Variants in MYOM2 observed in about 807,000 individuals in gnomAD.
MYOM2 encodes the protein myomesin 2.
A neutral mutation model predicts 187.6 loss-of-function variants in MYOM2; 254 were observed. That is an observed-to-expected ratio of 1.35 (90% confidence interval 1.22 to 1.50). The LOEUF (loss-of-function observed/expected upper bound fraction) is 1.50, where lower values mean the gene tolerates loss of function less well. Ranked by LOEUF, MYOM2 falls within the 40% of genes most tolerant of loss-of-function variation. The pLI is 0.00. For synonymous variants in MYOM2, 981 were observed against 753.8 expected, an observed-to-expected ratio of 1.30 and a Z score of -4.94; for missense variants, 2,796 against 1,924.0, an observed-to-expected ratio of 1.45 and a Z score of -8.48.
At chr8:2,050,976 C>G in intron 2 of MYOM2, 103 bp downstream of exon 2, 1 of 872,258 alleles carries the variant, frequency 1.1e-6, no homozygotes, top group Non-Finnish European at 1.8e-6. Flanking sequence ...CACTGGTTTG[C>G]AGGGAGTCAG....
intron 14 of MYOM2, among the ~76,000 whole-genome samples, chr8:2,086,721 G>T (rs1196314165): frequency 6.6e-6 from 1 of 152,234 alleles, no homozygotes; most frequent in Non-Finnish European, 1.5e-5. Flanking sequence ...TCCCTCTCTG[G>T]GCGCCCGCGT....
At chr8:2,072,584 T>G in intron 9 of MYOM2, 75 bp downstream of exon 9, 1 of 1,502,630 alleles carries the variant, frequency 6.7e-7, no homozygotes, top group Non-Finnish European at 8.9e-7. Context: ...AATGTGGGTG[T>G]CAATGTGGCT....
intron 19 of MYOM2, among the ~76,000 whole-genome samples, chr8:2,100,074 T>C (rs1169240944): frequency 1.0e-5 from 1 of 97,230 alleles, no homozygotes; most frequent in African/African-American, 3.2e-5. Flanking sequence ...CCTTCTTTCC[T>C]TCCTTTCTTC....
chr8:2,126,729 G>A (rs1452054800), intron 31 of MYOM2, among the ~76,000 whole-genome samples: 1 of 142,348 alleles, frequency 7.0e-6, no homozygotes, highest in African/African-American at 2.7e-5. Flanking sequence ...GGGGGAGGCT[G>A]ATAGAGGCTG....
At chr8:2,046,254 G>T (rs541590426) in intron 1 of MYOM2, among the ~76,000 whole-genome samples, 72 of 152,342 alleles carry the variant, frequency 4.7e-4, no homozygotes, top group African/African-American at 1.7e-3. Flanking sequence ...CATGAGGAAT[G>T]GGCTCCACAC....
chr8:2,133,941 C>T (rs992391031), intron 32 of MYOM2, among the ~76,000 whole-genome samples: 1 of 151,966 alleles, frequency 6.6e-6, no homozygotes, highest in Admixed American at 6.5e-5. Context: ...CTTACATCCT[C>T]CACCCTCTTC....
chr8:2,103,336 A>T (rs186676542), intron 21 of MYOM2, among the ~76,000 whole-genome samples: 12 of 150,664 alleles, frequency 8.0e-5, no homozygotes, highest in African/African-American at 1.5e-4. Flanking sequence ...TACATATATT[A>T]TGTGCATATG....
At chr8:2,050,119 C>T (rs897717774) in intron 1 of MYOM2, among the ~76,000 whole-genome samples, 6 of 152,168 alleles carry the variant, frequency 3.9e-5, no homozygotes, top group Admixed American at 2.6e-4. Flanking sequence ...CCGCCACCTC[C>T]GCTTGTGGCT....
intron 18 of MYOM2, chr8:2,097,015 C>G: frequency 4.9e-6 from 3 of 613,290 alleles, no homozygotes; most frequent in Non-Finnish European, 6.1e-6. Context: ...CTGTCCGGCC[C>G]TTGACCCCTC....
chr8:2,080,988 A>C (rs1171468953), intron 13 of MYOM2, among the ~76,000 whole-genome samples: 1 of 136,774 alleles, frequency 7.3e-6, no homozygotes, highest in African/African-American at 2.7e-5. Context: ...AGGAACAGGC[A>C]GCCCAGCCCT....
At chr8:2,108,739 T>C in intron 23 of MYOM2, 47 bp from the exon 24 acceptor site, 1 of 1,602,950 alleles carries the variant, frequency 6.2e-7, no homozygotes, top group Non-Finnish European at 8.5e-7. Context: ...TACAAACTTC[T>C]CTAGGTGCAG....
intron 6 of MYOM2, among the ~76,000 whole-genome samples, chr8:2,066,116 C>T (rs1819011040): frequency 6.6e-6 from 1 of 152,226 alleles, no homozygotes. Context: ...TGACGGTGAC[C>T]TGCTGGGCTT....
At chr8:2,085,467 C>A (rs577488353) in intron 14 of MYOM2, 77 bp downstream of exon 14, 2 of 1,521,906 alleles carry the variant, frequency 1.3e-6, no homozygotes, top group Admixed American at 3.8e-5. Flanking sequence ...CGTGGCCCAC[C>A]GCTGTCGTGA....
chr8:2,086,513 T>TGCGTGGCCTCCCACTGTCGTGATCTCC (rs1796078805), intron 14 of MYOM2, among the ~76,000 whole-genome samples: 1 of 115,482 alleles, frequency 8.7e-6, no homozygotes, highest in African/African-American at 3.0e-5. Context: ...TCGTGATCTC[T>TGCGTGGCCTCCCACTGTCGTGATCTCC]GCGTGGCCCC....
intron 13 of MYOM2, among the ~76,000 whole-genome samples, chr8:2,079,819 G>T (rs568405801): frequency 2.6e-5 from 4 of 152,194 alleles, no homozygotes; most frequent in Admixed American, 6.5e-5. Context: ...GAGGGTGGGA[G>T]AAAGGGTGAA....
chr8:2,136,899 C>G lies in MYOM2; in HGVS notation c.3801-3824C>G, dbSNP rs924262793. Among the ~76,000 whole-genome samples the G allele has an allele frequency of 3.9e-5, 6 of 152,180 alleles. No individual in the cohort carries two copies. The East Asian group carries it at 1.2e-3, about 29-fold the overall frequency. ...GCTAAAACGCTGCCACTTCATGAAG[C>G]ATTTGCAGCGCAACTTTCGTGGCCC... On this transcript the variant is annotated intron_variant, in intron 32 of 36. Transcript: ENST00000262113.
At chr8:2,076,532 C>G (rs1819428832) in intron 11 of MYOM2, 1 of 495,942 alleles carries the variant, frequency 2.0e-6, no homozygotes, top group Non-Finnish European at 3.6e-6. Flanking sequence ...TGTTGCACAC[C>G]CAGTAACCAA....
intron 28 of MYOM2, among the ~76,000 whole-genome samples, chr8:2,122,916 C>CAT (rs1174030512): frequency 1.3e-5 from 2 of 152,146 alleles, no homozygotes; most frequent in African/African-American, 4.8e-5. Context: ...CAGAAATCCC[C>CAT]ATATATATTG....
intron 1 of MYOM2, among the ~76,000 whole-genome samples, chr8:2,048,955 AT>A (rs1257856717): frequency 6.6e-6 from 1 of 151,432 alleles, no homozygotes; most frequent in Admixed American, 6.6e-5. Context: ...ATTCTGGCTA[AT>A]TTTTTGTATT....
Sources: gnomAD v4.1 joint callset for allele counts (sites outside exome capture counted in the v4.1 genomes callset) on GRCh38, gnomAD v4.1.1 for gene constraint, MANE v1.5 for transcripts, NCBI Gene and HGNC (gene_info 2026-07-23, HGNC 2026-07-21) for gene names.